ST6GAL1: variants seen among roughly 807,000 people sequenced by gnomAD.
ST6GAL1 encodes the protein beta-galactoside alpha-2,6-sialyltransferase 1.
A neutral mutation model predicts 38.0 loss-of-function variants in ST6GAL1; 20 were observed. That is an observed-to-expected ratio of 0.53 (90% CI 0.37 to 0.77). The LOEUF (loss-of-function observed/expected upper bound fraction) is 0.77, where lower values mean the gene tolerates loss of function less well. Ranked by LOEUF, ST6GAL1 falls within the 30% of genes least tolerant of loss-of-function variation. ST6GAL1 has a pLI of 0.00. For missense variants in ST6GAL1, 432 were observed against 496.4 expected (o/e 0.87, Z 1.23); for synonymous variants, 196 against 188.2 (o/e 1.04, Z -0.34).
chr3:186,988,112 T>C (rs1179516115), intron 2 of ST6GAL1, among the ~76,000 whole-genome samples: 1 of 152,246 alleles, frequency 6.6e-6, no homozygotes, highest in Non-Finnish European at 1.5e-5. Context: ...TACAGAAGCA[T>C]ACACTTTAAT....
chr3:187,046,282 T>G (rs1718294251), intron 4 of ST6GAL1, among the ~76,000 whole-genome samples: 2 of 152,174 alleles, frequency 1.3e-5, no homozygotes, highest in South Asian at 4.1e-4. Flanking sequence ...ATGTCTAGCC[T>G]GGGAGCAGGC....
At chr3:187,027,611 G>A (rs551564637) in intron 2 of ST6GAL1, among the ~76,000 whole-genome samples, 7 of 152,144 alleles carry the variant, frequency 4.6e-5, no homozygotes, top group Non-Finnish European at 8.8e-5. Flanking sequence ...TTCTTGCCCC[G>A]TCTTCTTTTC....
At chr3:187,002,363 G>A (rs1245137385) in intron 2 of ST6GAL1, among the ~76,000 whole-genome samples, 2 of 152,194 alleles carry the variant, frequency 1.3e-5, no homozygotes, top group Non-Finnish European at 2.9e-5. Context: ...ACATGATAAG[G>A]TAAAAAACAT....
At chr3:186,956,468 G>C (rs1560141174) in intron 1 of ST6GAL1, among the ~76,000 whole-genome samples, 1 of 152,190 alleles carries the variant, frequency 6.6e-6, no homozygotes, top group South Asian at 2.1e-4. Flanking sequence ...CAGCAGGCCA[G>C]GCTAAGAGGG....
At chr3:187,046,468 A>C (rs1718300052) in intron 4 of ST6GAL1, among the ~76,000 whole-genome samples, 1 of 152,254 alleles carries the variant, frequency 6.6e-6, no homozygotes, top group South Asian at 2.1e-4. Context: ...AAGGTGAGAT[A>C]ATGGTTATAA....
At chr3:187,010,019 T>TA (rs1716906138) in intron 2 of ST6GAL1, among the ~76,000 whole-genome samples, 1 of 152,002 alleles carries the variant, frequency 6.6e-6, no homozygotes, top group Admixed American at 6.5e-5. Context: ...AAGAAAAAAT[T>TA]ATAACCCTTT....
chr3:187,040,231 G>C (rs575408044), intron 3 of ST6GAL1, among the ~76,000 whole-genome samples: 383 of 152,330 alleles, frequency 2.5e-3, no homozygotes, highest in Non-Finnish European at 4.1e-3. Context: ...TAATAGGTCT[G>C]TAAAACCTTA....
intron 2 of ST6GAL1, among the ~76,000 whole-genome samples, chr3:186,973,176 C>T (rs1396411095): frequency 6.6e-6 from 1 of 152,188 alleles, no homozygotes; most frequent in Non-Finnish European, 1.5e-5. Flanking sequence ...GCTGGGATTG[C>T]AGGCGCCCGC....
intron 1 of ST6GAL1, among the ~76,000 whole-genome samples, chr3:186,940,199 C>T (rs1714114480): frequency 6.6e-6 from 1 of 152,272 alleles, no homozygotes; most frequent in South Asian, 2.1e-4. Context: ...AACTCTCAGC[C>T]CTGTGCAGCC....
At chr3:187,033,655 C>T (rs188941810) in intron 2 of ST6GAL1, among the ~76,000 whole-genome samples, 135 of 152,242 alleles carry the variant, frequency 8.9e-4, no homozygotes, top group Non-Finnish European at 4.4e-4. Flanking sequence ...TAAATTATTT[C>T]AGGTGGCTAT....
At chr3:186,959,400 C>A (rs1290460694) in intron 1 of ST6GAL1, among the ~76,000 whole-genome samples, 2 of 152,134 alleles carry the variant, frequency 1.3e-5, no homozygotes, top group African/African-American at 4.8e-5. Flanking sequence ...GTGCTGTCAC[C>A]AAAGCTCTTG....
chr3:187,026,733 T>G (rs1717549339), intron 2 of ST6GAL1, among the ~76,000 whole-genome samples: 1 of 152,130 alleles, frequency 6.6e-6, no homozygotes, highest in Non-Finnish European at 1.5e-5. Context: ...TCCTCTCACA[T>G]CAGTAGTTAC....
intron 2 of ST6GAL1, 104 bp from the exon 3 acceptor site, chr3:187,038,638 G>A (rs1012280955): frequency 6.6e-6 from 1 of 152,178 alleles, no homozygotes; most frequent in Non-Finnish European, 1.5e-5. Flanking sequence ...ACCTAGCCTA[G>A]GTCTGCATAA....
At chr3:187,056,003 ATATT>A (rs1402926397) in intron 5 of ST6GAL1, among the ~76,000 whole-genome samples, 1 of 152,180 alleles carries the variant, frequency 6.6e-6, no homozygotes, top group Non-Finnish European at 1.5e-5. Context: ...TATTGGGTGC[ATATT>A]TATTTAGGAT....
intron 1 of ST6GAL1, among the ~76,000 whole-genome samples, chr3:186,931,782 T>C (rs1240522805): frequency 6.6e-6 from 1 of 152,218 alleles, no homozygotes; most frequent in Non-Finnish European, 1.5e-5. Flanking sequence ...CCTTTTGGCT[T>C]GTTAATGCAT....
At chr3:186,937,934 C>T (rs1456602098) in intron 1 of ST6GAL1, among the ~76,000 whole-genome samples, 5 of 152,020 alleles carry the variant, frequency 3.3e-5, no homozygotes, top group African/African-American at 4.8e-5. Context: ...AACAGCCAGG[C>T]GTGGTGGCGG....
chr3:186,966,025 A>C (rs993743856), intron 2 of ST6GAL1, among the ~76,000 whole-genome samples: 1 of 152,146 alleles, frequency 6.6e-6, no homozygotes, highest in Non-Finnish European at 1.5e-5. Flanking sequence ...CAGCCTCCCG[A>C]GTAGCTGGGA....
At chr3:187,042,159 C>A (rs1223184689) in intron 3 of ST6GAL1, among the ~76,000 whole-genome samples, 1 of 151,782 alleles carries the variant, frequency 6.6e-6, no homozygotes, top group Non-Finnish European at 1.5e-5. Flanking sequence ...GGGCCACTTA[C>A]TATTTTAGGA....
rs1433757894 is a variant in ST6GAL1 at position 186,952,520 on chromosome 3, A to G, written c.-324-11265A>G. ...TCTTTTCTTTTCTTTTTTTATTTTT[A>G]TTGAGATGGAGTCTCACTCTCTTAC... On this transcript the variant is annotated intron_variant, in intron 1 of 7. Coordinates refer to ENST00000169298, the MANE Select transcript of ST6GAL1 (RefSeq NM_173216.2). The surrounding 1 kb of genome is among the most constrained non-coding windows in gnomAD (Gnocchi z 4.1). Among the ~76,000 whole-genome samples, 3 of 148,880 alleles carry G rather than the reference A, an allele frequency of 2.0e-5. No homozygotes were observed. Among genetic ancestry groups the G allele is most frequent in the Admixed American group, 1.3e-4 (2 of 14,970 alleles).
Sources: allele counts gnomAD v4.1 joint callset (sites outside exome capture counted in the v4.1 genomes callset), GRCh38; gene constraint gnomAD v4.1.1; non-coding constraint Gnocchi (gnomAD v3.1); transcripts MANE v1.5; gene names NCBI Gene and HGNC (gene_info 2026-07-23, HGNC 2026-07-21).